The following RYR2 variants were observed in gnomAD, a reference collection of about 807,000 sequenced individuals.
The protein encoded by RYR2 is ryanodine receptor 2.
A neutral mutation model predicts 601.1 loss-of-function variants in RYR2; 227 were observed. The observed-to-expected ratio is 0.38, with a 90% CI of 0.34 to 0.42. The LOEUF is 0.42. Ranked by LOEUF, RYR2 falls within the 10% of genes least tolerant of loss-of-function variation. The pLI is 1.00. For synonymous variants in RYR2, 2,223 were observed against 2,175.1 expected, an observed-to-expected ratio of 1.02 and a Z score of -0.61; for missense variants, 4,646 against 6,156.5, an observed-to-expected ratio of 0.75 and a Z score of 8.21.
chr1:237,161,373 A>G (rs189628916), intron 1 of RYR2, among the ~76,000 whole-genome samples: 56 of 152,020 alleles, frequency 3.7e-4, no homozygotes, highest in Non-Finnish European at 7.4e-4. Context: ...AAAAGAAAAC[A>G]TTGTGCACAG....
chr1:237,793,805 G>C, intron 94 of RYR2, 62 bp from the exon 95 acceptor site: 1 of 1,311,030 alleles, frequency 7.6e-7, no homozygotes, highest in Non-Finnish European at 1.1e-6. Context: ...TGTAAAGATA[G>C]TGACCACAAG....
intron 29 of RYR2, among the ~76,000 whole-genome samples, chr1:237,571,354 G>C (rs182302955): frequency 2.4e-4 from 32 of 133,412 alleles, no homozygotes; most frequent in African/African-American, 7.9e-4. Flanking sequence ...CACTCTTGTT[G>C]CCCAGGCTGG....
chr1:237,155,003 C>T (rs913561859), intron 1 of RYR2, among the ~76,000 whole-genome samples: 3 of 152,012 alleles, frequency 2.0e-5, no homozygotes, highest in East Asian at 1.9e-4. Context: ...TGCCACTGGG[C>T]GCCAGTTGCT....
chr1:237,822,689 T>G (rs1221217187), intron 101 of RYR2, among the ~76,000 whole-genome samples: 1 of 152,128 alleles, frequency 6.6e-6, no homozygotes, highest in East Asian at 1.9e-4. Flanking sequence ...ATATTAACCT[T>G]AAATGTAAAC....
At chr1:237,308,832 T>C (rs557000075) in intron 2 of RYR2, among the ~76,000 whole-genome samples, 1 of 152,306 alleles carries the variant, frequency 6.6e-6, no homozygotes, top group South Asian at 2.1e-4. Flanking sequence ...TTTATTCCCT[T>C]ATCTGGCCCC....
At chr1:237,235,658 C>A (rs565218184) in intron 1 of RYR2, among the ~76,000 whole-genome samples, 53 of 152,294 alleles carry the variant, frequency 3.5e-4, no homozygotes, top group African/African-American at 1.2e-3. Flanking sequence ...ACACCCCCAG[C>A]AGATGTGAGG....
At chr1:237,292,257 T>G (rs923027570) in intron 2 of RYR2, among the ~76,000 whole-genome samples, 1 of 152,172 alleles carries the variant, frequency 6.6e-6, no homozygotes, top group Non-Finnish European at 1.5e-5. Context: ...TGTAAAATTG[T>G]GCAAAAATGA....
At chr1:237,302,970 T>G (rs1249264352) in intron 2 of RYR2, among the ~76,000 whole-genome samples, 1 of 152,200 alleles carries the variant, frequency 6.6e-6, no homozygotes, top group Non-Finnish European at 1.5e-5. Context: ...ATTTGCCCAT[T>G]CTTACATCTG....
chr1:237,309,017 A>C (rs1572552365), intron 2 of RYR2, among the ~76,000 whole-genome samples: 1 of 152,216 alleles, frequency 6.6e-6, no homozygotes, highest in Admixed American at 6.5e-5. Context: ...TGATTGGTGC[A>C]TTTACAAACC....
intron 11 of RYR2, among the ~76,000 whole-genome samples, chr1:237,420,752 A>C (rs1705476872): frequency 6.6e-6 from 1 of 152,240 alleles, no homozygotes; most frequent in African/African-American, 2.4e-5. Context: ...ATACGCTAGC[A>C]AATAGTATAT....
intron 1 of RYR2, among the ~76,000 whole-genome samples, chr1:237,093,834 C>T (rs1404017202): frequency 2.0e-5 from 3 of 152,208 alleles, no homozygotes; most frequent in Admixed American, 6.5e-5. Flanking sequence ...GCCTGTGTTT[C>T]CTGGGGTTCT....
intron 3 of RYR2, chr1:237,333,633 T>C: frequency 2.2e-6 from 1 of 456,092 alleles, no homozygotes; most frequent in Non-Finnish European, 4.4e-6. Context: ...TCATGTCTGA[T>C]GATATGTGAC....
intron 1 of RYR2, among the ~76,000 whole-genome samples, chr1:237,186,120 C>T (rs1418912930): frequency 6.6e-6 from 1 of 152,188 alleles, no homozygotes; most frequent in Non-Finnish European, 1.5e-5. Flanking sequence ...TAGGTAAATG[C>T]CACATCCTGA....
chr1:237,483,940 C>A (rs1197220604), intron 17 of RYR2, among the ~76,000 whole-genome samples: 2 of 152,180 alleles, frequency 1.3e-5, no homozygotes, highest in African/African-American at 2.4e-5. Context: ...GTAATTAATT[C>A]ACTGGGTCTC....
intron 10 of RYR2, among the ~76,000 whole-genome samples, chr1:237,396,218 G>A (rs1702841977): frequency 6.6e-6 from 1 of 152,064 alleles, no homozygotes; most frequent in African/African-American, 2.4e-5. Flanking sequence ...TAATAAATCA[G>A]CATAACAACC....
chr1:237,310,117 C>T (rs529499196), intron 2 of RYR2, among the ~76,000 whole-genome samples: 8 of 152,252 alleles, frequency 5.3e-5, no homozygotes, highest in Admixed American at 2.0e-4. Flanking sequence ...GTGCCGAGGC[C>T]GAGGAGGTGC....
At chr1:237,647,783 G>T (rs1682326762) in intron 48 of RYR2, among the ~76,000 whole-genome samples, 1 of 152,134 alleles carries the variant, frequency 6.6e-6, no homozygotes, top group Non-Finnish European at 1.5e-5. Context: ...TTTGAAATTG[G>T]CACATAATCC....
intron 11 of RYR2, 66 bp downstream of exon 11, chr1:237,417,189 T>G (rs1705095429): frequency 1.6e-6 from 2 of 1,223,688 alleles, no homozygotes; most frequent in East Asian, 4.7e-5. Flanking sequence ...GTTGTGCTTC[T>G]GTGTCAGCCT....
chr1:237,505,132 T>C (rs1043189353), intron 22 of RYR2, among the ~76,000 whole-genome samples: 4 of 152,212 alleles, frequency 2.6e-5, no homozygotes, highest in Admixed American at 2.6e-4. Flanking sequence ...ACTCTTCCCT[T>C]AGGGGAGCTG....
Sources: gnomAD v4.1 joint callset for allele counts (sites outside exome capture counted in the v4.1 genomes callset) on GRCh38, gnomAD v4.1.1 for gene constraint, MANE v1.5 for transcripts, NCBI Gene and HGNC (gene_info 2026-07-23, HGNC 2026-07-21) for gene names.